PDE1A: variants seen among roughly 807,000 people sequenced by gnomAD.
PDE1A encodes the protein phosphodiesterase 1A, also known as dual specificity calcium/calmodulin-dependent 3',5'-cyclic nucleotide phosphodiesterase 1A.
Under a neutral mutation model 61.7 loss-of-function variants are expected in PDE1A, and 35 were observed. The ratio of observed to expected loss-of-function variants is 0.57; its 90% confidence interval spans 0.43 to 0.75. The LOEUF is 0.75. PDE1A is among the 30% of genes least tolerant of loss of function. The pLI, the probability that PDE1A is intolerant of heterozygous loss-of-function variation, is 0.00. For synonymous variants in PDE1A, 232 were observed against 213.2 expected (o/e 1.09, Z -0.77); for missense variants, 597 against 630.6 (o/e 0.95, Z 0.57).
At chr2:182,147,087 G>A in exon 14 of PDE1A, 6 of 1,601,886 alleles carry the variant, frequency 3.7e-6, no homozygotes, top group East Asian at 2.2e-5. Context: ...GCCTATGAAT[G>A]TGTCTCATCA....
chr2:182,211,491 G>A (rs1687596044), intron 7 of PDE1A, among the ~76,000 whole-genome samples: 1 of 152,174 alleles, frequency 6.6e-6, no homozygotes, highest in Admixed American at 6.5e-5. Flanking sequence ...AACTGTGTTA[G>A]CTATTATGAG....
At chr2:182,447,721 T>C (rs909492403) in intron 2 of PDE1A, among the ~76,000 whole-genome samples, 1 of 152,122 alleles carries the variant, frequency 6.6e-6, no homozygotes, top group Non-Finnish European at 1.5e-5. Flanking sequence ...GCTCACTTTC[T>C]ACTATGTATT....
the PDE1A span, among the ~76,000 whole-genome samples, chr2:182,609,997 A>C: frequency 6.6e-6 from 1 of 151,984 alleles, no homozygotes; most frequent in African/African-American, 2.4e-5. Flanking sequence ...CTGAGGTAGG[A>C]GAATCGCTTG....
intron 1 of PDE1A, among the ~76,000 whole-genome samples, chr2:182,390,893 G>C (rs148809483): frequency 0.012 from 1,895 of 152,236 alleles, 23 homozygotes; most frequent in South Asian, 0.047. Context: ...ACTGCCTGAG[G>C]CAACAGTGAT....
intron 1 of PDE1A, among the ~76,000 whole-genome samples, chr2:182,350,876 C>G (rs1373112152): frequency 6.6e-6 from 1 of 152,188 alleles, no homozygotes; most frequent in African/African-American, 2.4e-5. Context: ...GACTCACCCA[C>G]CTATCATTAC....
chr2:182,360,705 C>T (rs1699452607), intron 1 of PDE1A, among the ~76,000 whole-genome samples: 1 of 151,810 alleles, frequency 6.6e-6, no homozygotes, highest in Non-Finnish European at 1.5e-5. Context: ...ATCAATCCCA[C>T]CTGCATTTTT....
intron 2 of PDE1A, among the ~76,000 whole-genome samples, chr2:182,513,650 G>A (rs2125962963): frequency 6.6e-6 from 1 of 152,322 alleles, no homozygotes; most frequent in Admixed American, 6.5e-5. Context: ...GCACGAAGTG[G>A]CAAGTTGGAT....
At chr2:182,392,834 C>T (rs554137786) in intron 1 of PDE1A, among the ~76,000 whole-genome samples, 4 of 152,392 alleles carry the variant, frequency 2.6e-5, no homozygotes, top group African/African-American at 4.8e-5. Flanking sequence ...ATCCAGCTCA[C>T]GCTGATGCAA....
intron 1 of PDE1A, among the ~76,000 whole-genome samples, chr2:182,423,078 G>T (rs984089759): frequency 4.6e-5 from 7 of 152,086 alleles, no homozygotes; most frequent in African/African-American, 1.7e-4. Flanking sequence ...ATATGCTCAG[G>T]GCTGGATAGT....
At chr2:182,617,318 T>C in the PDE1A span, among the ~76,000 whole-genome samples, 1 of 152,140 alleles carries the variant, frequency 6.6e-6, no homozygotes, top group Non-Finnish European at 1.5e-5. Flanking sequence ...ACCCCACACA[T>C]GTTGTCACAC....
At chr2:182,354,739 A>G (rs2125123815) in intron 1 of PDE1A, among the ~76,000 whole-genome samples, 1 of 152,298 alleles carries the variant, frequency 6.6e-6, no homozygotes, top group South Asian at 2.1e-4. Flanking sequence ...ACATTTAATA[A>G]ATAGGTTATA....
At chr2:182,481,950 T>A (rs1452531046) in intron 2 of PDE1A, among the ~76,000 whole-genome samples, 2 of 151,962 alleles carry the variant, frequency 1.3e-5, no homozygotes, top group African/African-American at 2.4e-5. Context: ...GTGACCAATG[T>A]AATTATCTCA....
At chr2:182,706,576 A>G in the PDE1A span, among the ~76,000 whole-genome samples, 7 of 152,062 alleles carry the variant, frequency 4.6e-5, no homozygotes, top group Admixed American at 2.0e-4. Flanking sequence ...CACAGAAACA[A>G]GTTGTTTTGT....
intron 1 of PDE1A, among the ~76,000 whole-genome samples, chr2:182,307,398 A>C (rs138927989): frequency 9.2e-5 from 14 of 152,246 alleles, no homozygotes; most frequent in Non-Finnish European, 1.6e-4. Flanking sequence ...TAAAGGTGGA[A>C]TGTGCTTTCA....
At chr2:182,519,851 T>C (rs528150947) in intron 2 of PDE1A, among the ~76,000 whole-genome samples, 1 of 152,004 alleles carries the variant, frequency 6.6e-6, no homozygotes, top group East Asian at 1.9e-4. Flanking sequence ...TTATTTAACC[T>C]TAAAATTTAC....
chr2:182,309,902 G>A (rs1695852625), intron 1 of PDE1A, among the ~76,000 whole-genome samples: 1 of 152,008 alleles, frequency 6.6e-6, no homozygotes, highest in Admixed American at 6.6e-5. Flanking sequence ...AGGAATCAAA[G>A]GCACCAAGAA....
intron 1 of PDE1A, among the ~76,000 whole-genome samples, chr2:182,291,678 G>A (rs918256397): frequency 6.6e-6 from 1 of 152,138 alleles, no homozygotes; most frequent in African/African-American, 2.4e-5. Flanking sequence ...GTGGAAGAAT[G>A]AGTGGAAAAT....
intron 7 of PDE1A, among the ~76,000 whole-genome samples, chr2:182,212,697 C>T (rs535647215): frequency 1.2e-4 from 18 of 152,274 alleles, no homozygotes; most frequent in Non-Finnish European, 1.6e-4. Flanking sequence ...CCGAATACTG[C>T]GCTTTTCTGA....
At chr2:182,246,632 T>C (rs146277814) in intron 2 of PDE1A, among the ~76,000 whole-genome samples, 6,831 of 152,096 alleles carry the variant, frequency 0.045, 475 homozygotes, top group African/African-American at 0.16. Flanking sequence ...GGTCTCAAAC[T>C]CTTGACCTCA....
Sources: gnomAD v4.1 joint callset for allele counts (sites outside exome capture counted in the v4.1 genomes callset) on GRCh38, gnomAD v4.1.1 for gene constraint, MANE v1.5 for transcripts, NCBI Gene and HGNC (gene_info 2026-07-23, HGNC 2026-07-21) for gene names.